TLE1: variants seen among roughly 807,000 people sequenced by gnomAD.
TLE1 encodes the protein transducin-like enhancer protein 1.
In TLE1, 21 loss-of-function variants were observed where a neutral mutation model predicts 89.8. The ratio of observed to expected loss-of-function variants is 0.23; its 90% CI spans 0.17 to 0.34. TLE1 has a LOEUF of 0.34. Ranked by LOEUF, TLE1 falls within the 10% of genes least tolerant of loss-of-function variation. The pLI is 1.00. For synonymous variants in TLE1, 447 were observed against 407.6 expected, an observed-to-expected ratio of 1.10 and a Z score of -1.16; for missense variants, 795 against 1,031.2, an observed-to-expected ratio of 0.77 and a Z score of 3.14.
In TLE1 at chr9:81,689,016, A is replaced by C. The variant is rs10124360; in HGVS notation, c.-776T>G. 0.22 allele frequency: 32,995 copies of C among 151,884 alleles called. 3,761 individuals are homozygous for C. Among genetic ancestry groups the C allele is most frequent in the African/African-American group, 0.3 (12,570 of 41,426 alleles). The allele number at this position is 151,884 out of a possible 1,614,324, so 9.4% of individuals were successfully genotyped here. ...CGGGCCCGACGGGGCTACTCCACCG[A>C]GAGCAGTCCCGCAAGTGCCCAATGC... is the stretch of plus-strand genomic sequence containing the variant. On this transcript the variant is annotated 5_prime_UTR_variant, in exon 1 of 20. Coordinates refer to ENST00000376499, the MANE Select transcript of TLE1 (RefSeq NM_005077.5).
At chr9:81,598,964 G>A (rs1830557934) in intron 14 of TLE1, among the ~76,000 whole-genome samples, 1 of 152,118 alleles carries the variant, frequency 6.6e-6, no homozygotes, top group Non-Finnish European at 1.5e-5. Context: ...AAGTCAGAAG[G>A]CACAAGCAAT....
chr9:81,617,061 C>A (rs1464998780), intron 9 of TLE1, among the ~76,000 whole-genome samples: 2 of 150,732 alleles, frequency 1.3e-5, no homozygotes, highest in African/African-American at 4.9e-5. Flanking sequence ...TTGAGATCTG[C>A]ACACCCTTAT....
chr9:81,632,730 C>T (rs1421961526), intron 8 of TLE1, among the ~76,000 whole-genome samples: 1 of 151,738 alleles, frequency 6.6e-6, no homozygotes, highest in African/African-American at 2.4e-5. Context: ...ACGCACACAG[C>T]CCTGTCCACT....
At chr9:81,682,944 G>A (rs1321195392) in intron 4 of TLE1, among the ~76,000 whole-genome samples, 1 of 152,224 alleles carries the variant, frequency 6.6e-6, no homozygotes, top group Non-Finnish European at 1.5e-5. Context: ...AGCAGAGAAA[G>A]TAAAGGCAAG....
chr9:81,654,679 T>C (rs924010425), intron 4 of TLE1, among the ~76,000 whole-genome samples: 15 of 152,138 alleles, frequency 9.9e-5, no homozygotes, highest in Admixed American at 5.2e-4. Context: ...ATGACACATT[T>C]ATGTCATTAT....
intron 12 of TLE1, chr9:81,612,529 G>C (rs369485854): frequency 5.3e-6 from 1 of 188,634 alleles, no homozygotes. Flanking sequence ...TTAAGGGCTG[G>C]AGTCGCAGAG....
At chr9:81,612,635 G>T (rs1326704643) in intron 12 of TLE1, among the ~76,000 whole-genome samples, 2 of 152,168 alleles carry the variant, frequency 1.3e-5, no homozygotes, top group East Asian at 3.9e-4. Flanking sequence ...GAGCACGGTT[G>T]GGCCAGCCAA....
intron 6 of TLE1, among the ~76,000 whole-genome samples, chr9:81,645,366 C>CA (rs59412201): frequency 0.34 from 48,467 of 141,296 alleles, 8,241 homozygotes; most frequent in Middle Eastern, 0.4. Flanking sequence ...ACTCCGTCTC[C>CA]AAAAAAAAAA....
At chr9:81,605,952 T>C (rs1213530271) in intron 14 of TLE1, among the ~76,000 whole-genome samples, 7 of 152,122 alleles carry the variant, frequency 4.6e-5, no homozygotes, top group East Asian at 1.9e-4. Context: ...CATCAAAAAG[T>C]GGGCAAAGGA....
chr9:81,643,907 A>G (rs747337130), intron 6 of TLE1, among the ~76,000 whole-genome samples: 1 of 152,134 alleles, frequency 6.6e-6, no homozygotes, highest in Non-Finnish European at 1.5e-5. Context: ...TGCCTTGCTC[A>G]TCCCATTTCC....
intron 15 of TLE1, among the ~76,000 whole-genome samples, chr9:81,591,892 A>AG (rs1306728399): frequency 6.6e-6 from 1 of 152,190 alleles, no homozygotes; most frequent in African/African-American, 2.4e-5. Flanking sequence ...TGCTTTTTGG[A>AG]AACACCTTCT....
chr9:81,682,715 ACT>A (rs1833782228), intron 4 of TLE1, among the ~76,000 whole-genome samples: 1 of 151,894 alleles, frequency 6.6e-6, no homozygotes, highest in African/African-American at 2.4e-5. Flanking sequence ...GCACCCTAAC[ACT>A]CTGATGGTAT....
At chr9:81,675,682 A>G (rs1024597656) in intron 4 of TLE1, among the ~76,000 whole-genome samples, 1 of 144,902 alleles carries the variant, frequency 6.9e-6, no homozygotes, top group Admixed American at 6.8e-5. Context: ...TAATTTTAGC[A>G]TAAGGACTCA....
At chr9:81,656,989 C>T (rs1588144025) in intron 4 of TLE1, among the ~76,000 whole-genome samples, 1 of 152,216 alleles carries the variant, frequency 6.6e-6, no homozygotes, top group South Asian at 2.1e-4. Flanking sequence ...CCTGCTCTCC[C>T]ACCCAGTGTC....
chr9:81,672,759 C>T (rs540616661), intron 4 of TLE1, among the ~76,000 whole-genome samples: 11 of 152,148 alleles, frequency 7.2e-5, no homozygotes, highest in Non-Finnish European at 1.5e-4. Context: ...TTCCATGTTA[C>T]ATTCGAAAGA....
intron 11 of TLE1, 74 bp downstream of exon 11, chr9:81,615,907 CA>C: frequency 6.4e-7 from 1 of 1,567,478 alleles, no homozygotes; most frequent in Non-Finnish European, 8.6e-7. Context: ...CCCACATTTC[CA>C]ATACTTCAGA....
intron 14 of TLE1, among the ~76,000 whole-genome samples, chr9:81,598,952 A>G (rs1830555509): frequency 6.6e-6 from 1 of 152,214 alleles, no homozygotes; most frequent in African/African-American, 2.4e-5. Context: ...GTCAAGTGCA[A>G]GAAGTCAGAA....
chr9:81,627,111 TC>T (rs2132267025), intron 8 of TLE1, among the ~76,000 whole-genome samples: 1 of 152,290 alleles, frequency 6.6e-6, no homozygotes, highest in East Asian at 1.9e-4. Flanking sequence ...GACTAAGTCA[TC>T]TGTGTATCGG....
chr9:81,593,124 G>A lies in TLE1; in HGVS notation c.1482C>T (p.Asn494=), dbSNP rs61733324. 4.8e-3 allele frequency: 7,782 copies of A among 1,614,148 alleles called. 26 individuals carry two copies. The highest frequency in any genetic ancestry group is 6.8e-3 in the Middle Eastern group (41 of 6,062). ...GEVVCAVTIS[N]PTRHVYTGGK... is the part of the protein sequence containing the mutation. ...CGCCTGTGTACACGTGTCTCGTGGGGTTGCTGATGGTCACAGCGCACACCA... is the reference window on the plus strand; with the variant it reads ...CGCCTGTGTACACGTGTCTCGTGGGATTGCTGATGGTCACAGCGCACACCA... Residue 494 remains asparagine (N), a synonymous_variant, in exon 15 of 20, where the codon AAC becomes AAT. Transcript: ENST00000376499.
Sources: gnomAD v4.1 joint callset for allele counts (sites outside exome capture counted in the v4.1 genomes callset) on GRCh38, gnomAD v4.1.1 for gene constraint, MANE v1.5 for transcripts, NCBI Gene and HGNC (gene_info 2026-07-23, HGNC 2026-07-21) for gene names.